Variants in ZNF496 observed in about 807,000 individuals in gnomAD.
The protein encoded by ZNF496 is NSD1 (nuclear receptor binding SET-domain containing 1)-interacting zinc finger protein 1.
A neutral mutation model predicts 58.9 loss-of-function variants in ZNF496; 11 were observed. The observed-to-expected ratio is 0.19, with a 90% CI of 0.12 to 0.31. The LOEUF (loss-of-function observed/expected upper bound fraction) is 0.31. ZNF496 is among the 10% of genes least tolerant of loss of function. ZNF496 has a pLI of 1.00. For synonymous variants in ZNF496, 338 were observed against 318.2 expected (o/e 1.06, Z -0.66); for missense variants, 660 against 783.0 (o/e 0.84, Z 1.88).
At chr1:247,307,282 T>G in intron 9 of ZNF496, 1 of 985,452 alleles carries the variant, frequency 1.0e-6, no homozygotes, top group Non-Finnish European at 1.2e-6. Flanking sequence ...CTTTGAAATA[T>G]ATCGTCTCTC....
chr1:247,306,861 C>A (rs940610757), intron 9 of ZNF496, among the ~76,000 whole-genome samples: 4 of 152,180 alleles, frequency 2.6e-5, no homozygotes, highest in Non-Finnish European at 4.4e-5. Context: ...GGGCAAGTGA[C>A]TTCAGCTCTC....
At position 247,309,823 on chromosome 1, in the gene ZNF496, G is replaced by A. The variant is rs1413012368; in HGVS notation, c.785-17C>T. 1.9e-5 allele frequency: 31 copies of A among 1,613,322 alleles called. No individual in the cohort carries two copies. Among genetic ancestry groups the A allele is most frequent in the Non-Finnish European group, 2.6e-5 (31 of 1,179,460 alleles). ...CTAGGTCGTCTGTTCAAAGAAAAAG[G>A]CAGGGTACATGTTTATTAGTAATCT... On this transcript the variant is annotated splice_polypyrimidine_tract_variant and intron_variant, in intron 7 of 9. Coordinates refer to ENST00000682384, the MANE Select transcript of ZNF496 (RefSeq NM_032752.3). The surrounding 1 kb of genome is among the most constrained non-coding windows in gnomAD (Gnocchi z 4.3).
intron 6 of ZNF496, among the ~76,000 whole-genome samples, chr1:247,318,063 T>C (rs369255498): frequency 2.6e-5 from 4 of 152,226 alleles, no homozygotes; most frequent in African/African-American, 9.6e-5. Flanking sequence ...TAACTGGAAA[T>C]GTGAACAGTA....
Position 247,309,270 on chromosome 1 carries a change from G to T in ZNF496, c.892+429C>A. On this transcript the variant is annotated intron_variant, in intron 8 of 9. Transcript: ENST00000682384. The surrounding 1 kb of genome is among the most constrained non-coding windows in gnomAD (Gnocchi z 4.3). ...CTCCCCACACCCCAGTGTCCTCACA[G>T]CACCCCTGTACCAGGCAGATGGGAA... 1 of 536,716 alleles carries T rather than the reference G, an allele frequency of 1.9e-6. No homozygotes were observed. Among genetic ancestry groups the T allele is most frequent in the Non-Finnish European group, 2.4e-6 (1 of 411,788 alleles). The allele number at this position is 536,716 out of a possible 1,614,324, so 33.2% of individuals were successfully genotyped here. A position where few individuals can be genotyped will look rare whatever the true frequency, so the allele number is the denominator to read the frequency against.
chr1:247,323,106 A>G (rs1426328265), intron 6 of ZNF496, 48 bp downstream of exon 6: 1 of 1,508,614 alleles, frequency 6.6e-7, no homozygotes, highest in Non-Finnish European at 9.2e-7. Flanking sequence ...CCTGTAGCCT[A>G]CAGAGGCAAA....
At position 247,309,436 on chromosome 1, in the gene ZNF496, T is replaced by G. The variant is rs1362376898; in HGVS notation, c.892+263A>C. On this transcript the variant is annotated intron_variant, in intron 8 of 9. Coordinates refer to ENST00000682384, the MANE Select transcript of ZNF496 (RefSeq NM_032752.3). The surrounding 1 kb of genome is among the most constrained non-coding windows in gnomAD (Gnocchi z 4.3). The stretch of plus-strand genomic sequence containing the variant: ...TTGTCAGCACAAACCAGATGTTACT[T>G]ACAGGCAGAGGAGAAAGACATTCCT... 16 of 1,315,298 alleles carry G rather than the reference T, an allele frequency of 1.2e-5. No individual in the cohort carries two copies. Among genetic ancestry groups the G allele is most frequent in the African/African-American group, 1.5e-5 (1 of 67,112 alleles). The allele number at this position is 1,315,298 out of a possible 1,614,324, so 81.5% of individuals were successfully genotyped here. A position where few individuals can be genotyped will look rare whatever the true frequency, so the allele number is the denominator to read the frequency against.
In ZNF496 at chr1:247,299,467, C is replaced by T. The variant is rs1572065786; in HGVS notation, c.*1052G>A. 1.3e-5 allele frequency: 2 copies of T among 152,250 alleles called. No homozygotes were observed. The highest frequency in any genetic ancestry group is 3.9e-4 in the East Asian group (2 of 5,178). 9.4% of individuals were successfully genotyped at this position (152,250 alleles called of 1,614,324 possible). On this transcript the variant is annotated 3_prime_UTR_variant, in exon 10 of 10. Transcript: ENST00000682384. The stretch of plus-strand genomic sequence containing the variant: ...ACCCTGATCTTGGACGTGCACCTCC[C>T]AGAACTGTCAGGGAATACACTCCTG...
intron 9 of ZNF496, among the ~76,000 whole-genome samples, chr1:247,302,474 T>TGTGTGTG (rs60422938): frequency 6.6e-6 from 1 of 150,640 alleles, no homozygotes; most frequent in African/African-American, 2.4e-5. Context: ...GAGATTGTGT[T>TGTGTGTG]TGTGTGTGTG....
At chr1:247,305,216 A>G (rs1659371822) in intron 9 of ZNF496, among the ~76,000 whole-genome samples, 2 of 152,322 alleles carry the variant, frequency 1.3e-5, no homozygotes, top group African/African-American at 4.8e-5. Context: ...CAGAGGTTGC[A>G]GTAAGCCAAG....
chr1:247,309,952 T>C lies in ZNF496; in HGVS notation c.785-146A>G, dbSNP rs997699629. On this transcript the variant is annotated intron_variant, in intron 7 of 9. Coordinates refer to ENST00000682384, the MANE Select transcript of ZNF496 (RefSeq NM_032752.3). The surrounding 1 kb of genome is among the most constrained non-coding windows in gnomAD (Gnocchi z 4.3). ...GAAGTGAAAAGGCCAGAGCTGGCAG[T>C]GCAGGGGCAGTGGGGGCAGCACACG... The C allele has an allele frequency of 2.6e-5, 35 of 1,321,178 alleles. No individual in the cohort carries two copies. The highest frequency in any genetic ancestry group is 3.1e-5 in the Non-Finnish European group (31 of 985,342). 81.8% of individuals were successfully genotyped at this position (1,321,178 alleles called of 1,614,324 possible).
chr1:247,329,659 T>G lies in ZNF496; in HGVS notation c.-37-44A>C. 1 of 1,491,650 alleles carries G rather than the reference T, an allele frequency of 6.7e-7. No homozygotes were observed. The highest frequency in any genetic ancestry group is 1.4e-5 in the African/African-American group (1 of 71,238). The allele number at this position is 1,491,650 out of a possible 1,614,324, so 92.4% of individuals were successfully genotyped here. ...CACTGGCTTCAGTGTTCTGGTCTCC[T>G]GTGGTCATTTCTGGGGGACAGTGAC... On this transcript the variant is annotated intron_variant, in intron 3 of 9. Transcript: ENST00000682384. This position sits in a 1 kb window ranked among gnomAD's most constrained non-coding sequence, Gnocchi z 5.5.
chr1:247,306,799 C>T (rs1417299842), intron 9 of ZNF496, among the ~76,000 whole-genome samples: 1 of 152,170 alleles, frequency 6.6e-6, no homozygotes, highest in African/African-American at 2.4e-5. Context: ...CTGCGCCCAG[C>T]CTGAGTTCAA....
In ZNF496 at chr1:247,309,821, A is replaced by C; in HGVS notation, c.785-15T>G. 6.2e-7 allele frequency: 1 copy of C among 1,613,708 alleles called. No homozygotes were observed. The highest frequency in any genetic ancestry group is 8.5e-7 in the Non-Finnish European group (1 of 1,179,714). Reference sequence around the variant, plus strand: ...AGCTAGGTCGTCTGTTCAAAGAAAAAGGCAGGGTACATGTTTATTAGTAAT... The same window carrying C: ...AGCTAGGTCGTCTGTTCAAAGAAAACGGCAGGGTACATGTTTATTAGTAAT... On this transcript the variant is annotated splice_polypyrimidine_tract_variant and intron_variant, in intron 7 of 9. Transcript: ENST00000682384. The surrounding 1 kb of genome is among the most constrained non-coding windows in gnomAD (Gnocchi z 4.3).
Position 247,320,343 on chromosome 1 carries a change from T to C in ZNF496, c.651+2811A>G, listed in dbSNP as rs149688525. ...ACGCAACAACCTGAATGAAGCTCCA[T>C]AGAATTACGCTGAATGAAAACAGCC... On this transcript the variant is annotated intron_variant, in intron 6 of 9. Coordinates refer to ENST00000682384, the MANE Select transcript of ZNF496 (RefSeq NM_032752.3). Among the ~76,000 whole-genome samples the C allele has an allele frequency of 8.1e-3, 1,240 of 152,328 alleles. 9 individuals are homozygous for C. The highest frequency in any genetic ancestry group is 9.8e-3 in the Non-Finnish European group (667 of 68,024).
At chr1:247,302,994 G>A (rs1659296516) in intron 9 of ZNF496, among the ~76,000 whole-genome samples, 1 of 152,222 alleles carries the variant, frequency 6.6e-6, no homozygotes, top group Non-Finnish European at 1.5e-5. Context: ...ATGGAATTAT[G>A]AGAGCAGACA....
At chr1:247,328,940 C>T (rs995254388) in intron 4 of ZNF496, 74 bp from the exon 5 acceptor site, 38 of 1,510,098 alleles carry the variant, frequency 2.5e-5, no homozygotes, top group Non-Finnish European at 3.3e-5. Context: ...TGACCATCCA[C>T]TCCACAGCTG....
At chr1:247,307,967 C>T (rs1659469370) in intron 9 of ZNF496, 1 of 985,262 alleles carries the variant, frequency 1.0e-6, no homozygotes, top group African/African-American at 1.7e-5. Flanking sequence ...CTTCAGTATG[C>T]CAGAAACCTG....
intron 9 of ZNF496, among the ~76,000 whole-genome samples, chr1:247,302,022 T>C (rs1198006825): frequency 6.6e-6 from 1 of 152,106 alleles, no homozygotes; most frequent in Non-Finnish European, 1.5e-5. Context: ...GTCTGTGATG[T>C]TGGGAAGGTG....
chr1:247,327,151 G>A (rs534514876), intron 5 of ZNF496, among the ~76,000 whole-genome samples: 86 of 152,042 alleles, frequency 5.7e-4, no homozygotes, highest in African/African-American at 2.0e-3. Flanking sequence ...TGCAATCTCC[G>A]CCTCCCAGGT....
Sources: gnomAD v4.1 joint callset for allele counts (sites outside exome capture counted in the v4.1 genomes callset) on GRCh38, gnomAD v4.1.1 for gene constraint, Gnocchi (gnomAD v3.1) non-coding constraint, MANE v1.5 for transcripts, NCBI Gene and HGNC (gene_info 2026-07-23, HGNC 2026-07-21) for gene names.